Variants in TNFAIP8L3 observed in about 807,000 individuals in gnomAD.
TNFAIP8L3 encodes tumor necrosis factor alpha-induced protein 8-like protein 3.
Under a neutral mutation model 11.8 loss-of-function variants are expected in TNFAIP8L3, and 7 were observed. That is an observed-to-expected ratio of 0.59 (90% CI 0.34 to 1.11). TNFAIP8L3 has a LOEUF of 1.11. Among genes scored for constraint, TNFAIP8L3 ranks in the 50% most tolerant of loss-of-function variants. The pLI is 0.03. For missense variants in TNFAIP8L3, 219 were observed against 258.6 expected, an observed-to-expected ratio of 0.85 and a Z score of 1.05; for synonymous variants, 98 against 103.8, an observed-to-expected ratio of 0.94 and a Z score of 0.34.
chr15:51,097,158 C>T (rs890668380), upstream of TNFAIP8L3, among the ~76,000 whole-genome samples: 1 of 152,056 alleles, frequency 6.6e-6, no homozygotes, highest in Admixed American at 6.5e-5. Flanking sequence ...TTTCCTTGCA[C>T]TTCATGGAAG....
At chr15:51,105,252 A>G (rs1018665235) in exon 1 of TNFAIP8L3, 10 of 1,501,246 alleles carry the variant, frequency 6.7e-6, no homozygotes, top group Non-Finnish European at 8.2e-6. Flanking sequence ...GTCGTTTCCC[A>G]TTACTTGAGG....
At chr15:51,061,288 A>G (rs1386652098) in intron 1 of TNFAIP8L3, among the ~76,000 whole-genome samples, 1 of 152,232 alleles carries the variant, frequency 6.6e-6, no homozygotes, top group East Asian at 1.9e-4. Flanking sequence ...ACAGGAATGT[A>G]CACTGTGCCC....
chr15:51,092,692 C>G (rs181240576), intron 1 of TNFAIP8L3, among the ~76,000 whole-genome samples: 15 of 152,308 alleles, frequency 9.8e-5, no homozygotes, highest in Admixed American at 9.8e-4. Flanking sequence ...CTGTCAGCTA[C>G]GCAGAGGCCT....
chr15:51,105,002 G>A, intron 1 of TNFAIP8L3: 5 of 1,614,128 alleles, frequency 3.1e-6, no homozygotes, highest in Non-Finnish European at 4.2e-6. Context: ...AGCCAGTGCT[G>A]ACCAAGTCCC....
intron 1 of TNFAIP8L3, among the ~76,000 whole-genome samples, chr15:51,058,885 C>CAG (rs767635495): frequency 3.9e-5 from 6 of 152,246 alleles, no homozygotes; most frequent in Non-Finnish European, 4.4e-5. Context: ...ATTCCCAGGG[C>CAG]AGACATGGAT....
upstream of TNFAIP8L3, among the ~76,000 whole-genome samples, chr15:51,099,838 TAG>T (rs1179191055): frequency 1.3e-5 from 2 of 152,182 alleles, no homozygotes; most frequent in Non-Finnish European, 1.5e-5. Context: ...CAGCGGCAAC[TAG>T]AGTCTTTGTG....
At chr15:51,100,882 C>T (rs998471474) in intron 1 of TNFAIP8L3, among the ~76,000 whole-genome samples, 11 of 152,160 alleles carry the variant, frequency 7.2e-5, no homozygotes, top group African/African-American at 2.7e-4. Flanking sequence ...GAATTTGGAT[C>T]TTGTGCCAGT....
intron 1 of TNFAIP8L3, among the ~76,000 whole-genome samples, chr15:51,072,831 A>G (rs1433391144): frequency 6.6e-6 from 1 of 152,072 alleles, no homozygotes; most frequent in Non-Finnish European, 1.5e-5. Context: ...ATAACTCGTA[A>G]GTCATGATAG....
chr15:51,082,542 A>G (rs946733317), intron 1 of TNFAIP8L3, among the ~76,000 whole-genome samples: 15 of 152,150 alleles, frequency 9.9e-5, no homozygotes, highest in African/African-American at 3.4e-4. Flanking sequence ...ATCTTATAAA[A>G]AACATTTTTC....
At chr15:51,085,148 G>C (rs2065418477) in intron 1 of TNFAIP8L3, among the ~76,000 whole-genome samples, 1 of 151,866 alleles carries the variant, frequency 6.6e-6, no homozygotes, top group Non-Finnish European at 1.5e-5. Flanking sequence ...TAAAGGTAGA[G>C]AGACCAAACA....
At chr15:51,100,929 A>T (rs1387553790) in intron 1 of TNFAIP8L3, among the ~76,000 whole-genome samples, 1 of 152,146 alleles carries the variant, frequency 6.6e-6, no homozygotes, top group Admixed American at 6.5e-5. Context: ...CATCCTCTGT[A>T]TGGAAAAGGG....
At chr15:51,076,371 C>T (rs1372158903) in intron 1 of TNFAIP8L3, among the ~76,000 whole-genome samples, 1 of 152,144 alleles carries the variant, frequency 6.6e-6, no homozygotes, top group Non-Finnish European at 1.5e-5. Context: ...CCATTCACAT[C>T]ACGTAATGGG....
At chr15:51,104,953 GC>G (rs2065579179) in intron 1 of TNFAIP8L3, 1 of 1,610,250 alleles carries the variant, frequency 6.2e-7, no homozygotes, top group African/African-American at 1.3e-5. Context: ...CTTTGCACAA[GC>G]CTCCCCGCCC....
At chr15:51,072,022 T>C (rs2065312127) in intron 1 of TNFAIP8L3, among the ~76,000 whole-genome samples, 1 of 152,248 alleles carries the variant, frequency 6.6e-6, no homozygotes, top group Admixed American at 6.5e-5. Flanking sequence ...ATATATATTT[T>C]TCTTTTTTGT....
At chr15:51,077,392 T>A (rs1327099370) in intron 1 of TNFAIP8L3, among the ~76,000 whole-genome samples, 1 of 151,996 alleles carries the variant, frequency 6.6e-6, no homozygotes, top group Non-Finnish European at 1.5e-5. Context: ...TGGTCCCATA[T>A]CCCAGCTGCC....
intron 1 of TNFAIP8L3, among the ~76,000 whole-genome samples, chr15:51,077,857 G>A (rs960134557): frequency 6.6e-6 from 1 of 152,204 alleles, no homozygotes; most frequent in Non-Finnish European, 1.5e-5. Flanking sequence ...CTGTGAGGTG[G>A]AAGCCTGTTA....
At chr15:51,101,381 G>T (rs989124875) in intron 1 of TNFAIP8L3, among the ~76,000 whole-genome samples, 1 of 152,118 alleles carries the variant, frequency 6.6e-6, no homozygotes, top group African/African-American at 2.4e-5. Context: ...CAGCAGTTTC[G>T]GAGGCCAAGA....
chr15:51,094,170 C>A lies in TNFAIP8L3; in HGVS notation c.52+374G>T, dbSNP rs1273461422. ...GCGCCGCAGCGCAGTCCCGGCGCCC[C>A]AGGTTCGAGGACCCGGCCCGCGCTC... On this transcript the variant is annotated intron_variant, in intron 1 of 1. Coordinates refer to ENST00000637513, the MANE Select transcript of TNFAIP8L3 (RefSeq NM_001311175.2). This position sits in a 1 kb window ranked among gnomAD's most constrained non-coding sequence, Gnocchi z 4.4. Among the ~76,000 whole-genome samples the A allele has an allele frequency of 6.6e-6, 1 of 152,200 alleles. No individual in the cohort carries two copies. The highest frequency in any genetic ancestry group is 1.5e-5 in the Non-Finnish European group (1 of 68,036).
chr15:51,086,838 C>T (rs2065431372), intron 1 of TNFAIP8L3, among the ~76,000 whole-genome samples: 2 of 151,768 alleles, frequency 1.3e-5, no homozygotes, highest in South Asian at 4.2e-4. Flanking sequence ...CTGGGGCTGA[C>T]CTTGGGCTGG....
Sources: allele counts gnomAD v4.1 joint callset (sites outside exome capture counted in the v4.1 genomes callset), GRCh38; gene constraint gnomAD v4.1.1; non-coding constraint Gnocchi (gnomAD v3.1); transcripts MANE v1.5; gene names NCBI Gene and HGNC (gene_info 2026-07-23, HGNC 2026-07-21).